GRM8: variants seen among roughly 807,000 people sequenced by gnomAD.
GRM8 encodes glutamate metabotropic receptor 8.
A neutral mutation model predicts 87.2 loss-of-function variants in GRM8; 47 were observed. That is an observed-to-expected ratio of 0.54 (90% CI 0.43 to 0.69). The LOEUF (loss-of-function observed/expected upper bound fraction) is 0.69, where lower values mean the gene tolerates loss of function less well. Among genes scored for constraint, GRM8 ranks in the 30% least tolerant of loss-of-function variants. The pLI is 0.00. For missense variants in GRM8, 1,019 were observed against 1,139.2 expected, an observed-to-expected ratio of 0.89 and a Z score of 1.52; for synonymous variants, 396 against 404.5, an observed-to-expected ratio of 0.98 and a Z score of 0.25.
At chr7:126,734,259 A>G (rs909008887) in intron 7 of GRM8, among the ~76,000 whole-genome samples, 2 of 152,094 alleles carry the variant, frequency 1.3e-5, no homozygotes, top group Non-Finnish European at 2.9e-5. Context: ...TCCTAAAAAA[A>G]TTCCAGTTAA....
chr7:126,678,933 G>A (rs760212353), intron 7 of GRM8, among the ~76,000 whole-genome samples: 2 of 152,200 alleles, frequency 1.3e-5, no homozygotes, highest in Non-Finnish European at 2.9e-5. Context: ...TAAAACTCTT[G>A]TAAATCATTA....
chr7:126,924,258 T>C (rs1804853141), intron 3 of GRM8, among the ~76,000 whole-genome samples: 1 of 152,210 alleles, frequency 6.6e-6, no homozygotes. Flanking sequence ...TAAAAGGTAT[T>C]GGATTCATAG....
In GRM8 at chr7:126,678,405, C is replaced by T. The variant is rs1027024096; in HGVS notation, c.1358-68907G>A. On this transcript the variant is annotated intron_variant, in intron 7 of 10. Coordinates refer to ENST00000339582, the MANE Select transcript of GRM8 (RefSeq NM_000845.3). Reference sequence around the variant, plus strand: ...CATGTTGTAACTGCTGAGTAGCTCACGTCTTTCATCCATAAAAAAGCCACT... The same window carrying T: ...CATGTTGTAACTGCTGAGTAGCTCATGTCTTTCATCCATAAAAAAGCCACT... Among the ~76,000 whole-genome samples the T allele has an allele frequency of 7.2e-5, 11 of 152,178 alleles. 1 individual carries two copies. In the East Asian group the frequency reaches 1.2e-3, roughly 16 times the overall value.
At chr7:126,447,018 T>C (rs1407600704) in intron 9 of GRM8, 1 of 152,028 alleles carries the variant, frequency 6.6e-6, no homozygotes, top group Admixed American at 6.6e-5. Context: ...ATATGTAAGA[T>C]CTCCTCCCTC....
At chr7:126,969,056 C>A (rs1407534504) in intron 3 of GRM8, among the ~76,000 whole-genome samples, 1 of 152,052 alleles carries the variant, frequency 6.6e-6, no homozygotes, top group Non-Finnish European at 1.5e-5. Context: ...AGCACTGTAT[C>A]AAAAAATGTA....
At chr7:127,217,830 T>G (rs1171470862) in intron 2 of GRM8, among the ~76,000 whole-genome samples, 1 of 152,256 alleles carries the variant, frequency 6.6e-6, no homozygotes. Context: ...AGAATATCAG[T>G]GTTCCACTCT....
At chr7:127,114,646 A>G (rs1303247554) in intron 2 of GRM8, among the ~76,000 whole-genome samples, 1 of 152,212 alleles carries the variant, frequency 6.6e-6, no homozygotes, top group Non-Finnish European at 1.5e-5. Flanking sequence ...ATGGTTTGCT[A>G]CTAATGGTGA....
chr7:127,200,717 G>A (rs766167724), intron 2 of GRM8, among the ~76,000 whole-genome samples: 4 of 152,094 alleles, frequency 2.6e-5, no homozygotes, highest in East Asian at 1.9e-4. Context: ...CATGGCTTTC[G>A]CCCCTGTGTG....
chr7:127,225,541 T>C (rs1464996494), intron 2 of GRM8, among the ~76,000 whole-genome samples: 3 of 150,794 alleles, frequency 2.0e-5, no homozygotes, highest in African/African-American at 7.3e-5. Context: ...TGCAGCTAGG[T>C]CAGGGGGAAG....
intron 9 of GRM8, among the ~76,000 whole-genome samples, chr7:126,483,564 A>C (rs1275139092): frequency 6.7e-6 from 1 of 149,618 alleles, no homozygotes; most frequent in Non-Finnish European, 1.5e-5. Flanking sequence ...TCCCTAACCA[A>C]AATTTGAAAA....
At chr7:126,821,007 CAGA>C (rs1183813973) in intron 6 of GRM8, among the ~76,000 whole-genome samples, 1 of 152,182 alleles carries the variant, frequency 6.6e-6, no homozygotes, top group Admixed American at 6.5e-5. Flanking sequence ...GAGGCTGAGG[CAGA>C]AGAACTGCTT....
intron 6 of GRM8, among the ~76,000 whole-genome samples, chr7:126,809,480 G>A (rs1793090013): frequency 6.6e-6 from 1 of 152,082 alleles, no homozygotes; most frequent in Non-Finnish European, 1.5e-5. Flanking sequence ...ATATCCAAAA[G>A]CAAAGGAAGG....
intron 6 of GRM8, among the ~76,000 whole-genome samples, chr7:126,895,978 A>G (rs1801507464): frequency 7.0e-6 from 1 of 143,830 alleles, no homozygotes; most frequent in South Asian, 2.3e-4. Flanking sequence ...ACTATGTGGT[A>G]AAATATCTAA....
chr7:126,794,982 C>T (rs991935316), intron 6 of GRM8, among the ~76,000 whole-genome samples: 2 of 152,234 alleles, frequency 1.3e-5, no homozygotes, highest in African/African-American at 2.4e-5. Context: ...CAGAATCTAT[C>T]GGCCATGGGC....
At chr7:126,598,536 T>G (rs1258428443) in intron 8 of GRM8, among the ~76,000 whole-genome samples, 2 of 152,160 alleles carry the variant, frequency 1.3e-5, no homozygotes, top group Non-Finnish European at 2.9e-5. Flanking sequence ...TTCTTCCTAA[T>G]GTCCTCACTT....
intron 2 of GRM8, among the ~76,000 whole-genome samples, chr7:127,179,069 C>T (rs558226819): frequency 9.9e-5 from 15 of 152,124 alleles, no homozygotes; most frequent in African/African-American, 2.7e-4. Flanking sequence ...TACAGAACCA[C>T]GGAATGGATA....
chr7:126,806,854 A>G (rs944998891), intron 6 of GRM8, among the ~76,000 whole-genome samples: 1 of 152,172 alleles, frequency 6.6e-6, no homozygotes, highest in African/African-American at 2.4e-5. Context: ...GGCCACCCGT[A>G]AGCCCCAGCT....
At chr7:126,932,727 A>G (rs1248451285) in intron 3 of GRM8, among the ~76,000 whole-genome samples, 3 of 152,238 alleles carry the variant, frequency 2.0e-5, no homozygotes, top group African/African-American at 7.2e-5. Context: ...CTTACAAATT[A>G]GGATATGTGA....
chr7:126,855,722 G>T (rs139456699), intron 6 of GRM8, among the ~76,000 whole-genome samples: 1 of 152,010 alleles, frequency 6.6e-6, no homozygotes, highest in Admixed American at 6.6e-5. Flanking sequence ...GTGATAAACC[G>T]CCTTGGTCTC....
Sources: gnomAD v4.1 joint callset for allele counts (sites outside exome capture counted in the v4.1 genomes callset) on GRCh38, gnomAD v4.1.1 for gene constraint, MANE v1.5 for transcripts, NCBI Gene and HGNC (gene_info 2026-07-23, HGNC 2026-07-21) for gene names.